AKAP13: variants seen among roughly 807,000 people sequenced by gnomAD.
The protein encoded by AKAP13 is A-kinase anchoring protein 13.
A neutral mutation model predicts 264.5 loss-of-function variants in AKAP13; 80 were observed. That is an observed-to-expected ratio of 0.30 (90% CI 0.25 to 0.36). AKAP13 has a LOEUF of 0.36. AKAP13 is among the 10% of genes least tolerant of loss of function. AKAP13 has a pLI of 1.00. For missense variants in AKAP13, 3,712 were observed against 3,435.2 expected (o/e 1.08, Z -2.01); for synonymous variants, 1,380 against 1,250.2 (o/e 1.10, Z -2.19).
At chr15:85,646,084 G>C in intron 10 of AKAP13, 130 bp downstream of exon 10, 1 of 1,199,754 alleles carries the variant, frequency 8.3e-7, no homozygotes, top group Non-Finnish European at 1.2e-6. Context: ...ACTCCTGCTA[G>C]TAAGTTGTGA....
At chr15:85,497,164 A>T (rs1444080684) in intron 2 of AKAP13, among the ~76,000 whole-genome samples, 1 of 152,224 alleles carries the variant, frequency 6.6e-6, no homozygotes, top group African/African-American at 2.4e-5. Context: ...TGTCCAAGAA[A>T]GATTAAAATA....
At chr15:85,412,414 T>C (rs975431459) in intron 1 of AKAP13, among the ~76,000 whole-genome samples, 2 of 152,218 alleles carry the variant, frequency 1.3e-5, no homozygotes, top group Non-Finnish European at 2.9e-5. Context: ...AATCCAGCTG[T>C]CTTCTATTAA....
At chr15:85,382,166 CA>C (rs891004907) in intron 1 of AKAP13, 42 of 152,322 alleles carry the variant, frequency 2.8e-4, no homozygotes, top group African/African-American at 9.6e-4. Flanking sequence ...CATAGTGGAG[CA>C]AAATGGCCAG....
chr15:85,485,070 T>G (rs2075489330), intron 1 of AKAP13, among the ~76,000 whole-genome samples: 1 of 152,218 alleles, frequency 6.6e-6, no homozygotes, highest in South Asian at 2.1e-4. Flanking sequence ...AAGTTAAACT[T>G]TTAAGAACAT....
chr15:85,605,223 TG>T (rs1219494491), intron 8 of AKAP13, among the ~76,000 whole-genome samples: 1 of 152,240 alleles, frequency 6.6e-6, no homozygotes, highest in Non-Finnish European at 1.5e-5. Context: ...TTTACCATTT[TG>T]TGGAGAGGAT....
At chr15:85,517,795 A>G (rs1284921629) in intron 2 of AKAP13, among the ~76,000 whole-genome samples, 1 of 152,212 alleles carries the variant, frequency 6.6e-6, no homozygotes, top group Admixed American at 6.5e-5. Context: ...GGTCTTTTCC[A>G]TTAGTTTTTG....
At chr15:85,523,697 A>C (rs1475690633) in intron 3 of AKAP13, among the ~76,000 whole-genome samples, 3 of 152,156 alleles carry the variant, frequency 2.0e-5, no homozygotes, top group Non-Finnish European at 4.4e-5. Context: ...GGAAACTGTC[A>C]CTTGATAGAA....
At chr15:85,692,172 C>T (rs1480559327) in intron 16 of AKAP13, among the ~76,000 whole-genome samples, 1 of 152,184 alleles carries the variant, frequency 6.6e-6, no homozygotes, top group Admixed American at 6.5e-5. Flanking sequence ...CTTCCCTGCT[C>T]ACATCAAAAC....
chr15:85,433,538 A>G (rs1210296083), intron 1 of AKAP13, among the ~76,000 whole-genome samples: 3 of 152,126 alleles, frequency 2.0e-5, no homozygotes, highest in Non-Finnish European at 2.9e-5. Flanking sequence ...TCAGTCCACA[A>G]ACTCCTTAGC....
intron 2 of AKAP13, among the ~76,000 whole-genome samples, chr15:85,512,852 TG>T (rs1368702027): frequency 6.6e-6 from 1 of 151,484 alleles, no homozygotes; most frequent in East Asian, 1.9e-4. Flanking sequence ...TATGTATGTA[TG>T]TATGTATGTA....
intron 3 of AKAP13, among the ~76,000 whole-genome samples, chr15:85,524,779 CTCTT>C (rs2076960567): frequency 6.6e-6 from 1 of 151,952 alleles, no homozygotes; most frequent in African/African-American, 2.4e-5. Flanking sequence ...TCAGTTTTCT[CTCTT>C]TTTTTTGCGT....
intron 2 of AKAP13, among the ~76,000 whole-genome samples, chr15:85,508,651 A>G (rs540707036): frequency 1.1e-4 from 16 of 152,054 alleles, no homozygotes; most frequent in South Asian, 2.1e-4. Flanking sequence ...AACATGAATC[A>G]TGTCACTCTT....
chr15:85,667,350 G>T (rs1332449039), intron 13 of AKAP13, among the ~76,000 whole-genome samples: 1 of 152,098 alleles, frequency 6.6e-6, no homozygotes, highest in African/African-American at 2.4e-5. Context: ...TTTTCTACTT[G>T]TTCTGATACT....
chr15:85,398,820 T>TTA (rs952485736), intron 1 of AKAP13, among the ~76,000 whole-genome samples: 7 of 152,198 alleles, frequency 4.6e-5, no homozygotes, highest in Non-Finnish European at 1.0e-4. Context: ...CCAGCCACCT[T>TTA]TATATGATTT....
chr15:85,716,938 T>C (rs1486055229), intron 20 of AKAP13, among the ~76,000 whole-genome samples: 1 of 152,232 alleles, frequency 6.6e-6, no homozygotes, highest in Non-Finnish European at 1.5e-5. Flanking sequence ...TCTGTAGTTA[T>C]CTAGAGAACA....
At chr15:85,601,502 C>T (rs1269429725) in intron 8 of AKAP13, among the ~76,000 whole-genome samples, 1 of 152,006 alleles carries the variant, frequency 6.6e-6, no homozygotes, top group African/African-American at 2.4e-5. Flanking sequence ...ATCCTTTTCC[C>T]CCAAAATAAG....
At chr15:85,621,140 G>A (rs1025628332) in intron 8 of AKAP13, 1 of 152,190 alleles carries the variant, frequency 6.6e-6, no homozygotes, top group Non-Finnish European at 1.5e-5. Flanking sequence ...TATCAATTCA[G>A]TTTATTACTT....
intron 6 of AKAP13, among the ~76,000 whole-genome samples, chr15:85,575,539 A>G (rs1305549655): frequency 6.6e-6 from 1 of 152,122 alleles, no homozygotes; most frequent in Admixed American, 6.5e-5. Context: ...TAAAAATACA[A>G]AAAATTGGCC....
intron 5 of AKAP13, among the ~76,000 whole-genome samples, chr15:85,570,547 G>A (rs976074181): frequency 6.6e-6 from 1 of 152,184 alleles, no homozygotes; most frequent in Admixed American, 6.5e-5. Context: ...ACTCCCTGAA[G>A]GAAAGAGGAA....
Sources: gnomAD v4.1 joint callset for allele counts (sites outside exome capture counted in the v4.1 genomes callset) on GRCh38, gnomAD v4.1.1 for gene constraint, MANE v1.5 for transcripts, NCBI Gene and HGNC (gene_info 2026-07-23, HGNC 2026-07-21) for gene names.